The following TSC22D2 variants were observed in gnomAD, a reference collection of about 807,000 sequenced individuals.
The protein encoded by TSC22D2 is TSC22 domain family member 2.
TSC22D2 carries 5 observed loss-of-function variants against 50.1 expected under a neutral mutation model. The ratio of observed to expected loss-of-function variants is 0.10; its 90% CI spans 0.05 to 0.21. The LOEUF is 0.21. TSC22D2 is among the 10% of genes least tolerant of loss of function. The pLI is 1.00. For synonymous variants in TSC22D2, 501 were observed against 450.1 expected (o/e 1.11, Z -1.43); for missense variants, 1,003 against 1,015.5 (o/e 0.99, Z 0.17).
At chr3:150,448,976 A>T (rs1365486110) in intron 1 of TSC22D2, among the ~76,000 whole-genome samples, 1 of 151,924 alleles carries the variant, frequency 6.6e-6, no homozygotes, top group East Asian at 1.9e-4. Context: ...TTTACCACAA[A>T]TTTTTACCAT....
intron 1 of TSC22D2, among the ~76,000 whole-genome samples, chr3:150,439,004 A>G (rs1305534839): frequency 1.3e-5 from 2 of 152,090 alleles, no homozygotes; most frequent in African/African-American, 4.8e-5. Context: ...TTTGTTTTAC[A>G]CAGCTGTATT....
Position 150,409,489 on chromosome 3 carries a change from G to A in TSC22D2, c.139G>A (p.Glu47Lys). ...GTCACGCACAGAGGACGTCTCCTCC[G>A]AGATTTTCGACGTCTCTCGGGCCAC... ...DESRTEDVSS[E>K]IFDVSRATDY... Residue 47 changes from glutamate to lysine, a missense_variant, in exon 1 of 3, where the codon GAG becomes AAG. By Grantham distance (56) the Glu-to-Lys change is moderately conservative (BLOSUM62 1). This residue lies in a region of TSC22D2 where 200 missense variants were observed against 182.8 expected (regional missense o/e 1.09). Transcript: ENST00000688009. This position sits in a 1 kb window ranked among gnomAD's most constrained non-coding sequence, Gnocchi z 7.4. 1 of 1,613,190 alleles carries A rather than the reference G, an allele frequency of 6.2e-7. No homozygotes were observed. The highest frequency in any genetic ancestry group is 2.2e-5 in the East Asian group (1 of 44,832).
In TSC22D2 at chr3:150,459,945, A is replaced by G. The variant is rs1721339011; in HGVS notation, c.*1309A>G. On this transcript the variant is annotated 3_prime_UTR_variant, in exon 3 of 3. Coordinates refer to ENST00000688009, the MANE Select transcript of TSC22D2 (RefSeq NM_001303264.2). ...TTTTAATGTATTTAATAAATGCAAC[A>G]TGCAGATTAAGTGCAGTGTATACTG... The G allele has an allele frequency of 6.6e-6, 1 of 152,088 alleles. No individual in the cohort carries two copies. Among genetic ancestry groups the G allele is most frequent in the African/African-American group, 2.4e-5 (1 of 41,442 alleles). The allele number at this position is 152,088 out of a possible 1,614,324, so 9.4% of individuals were successfully genotyped here.
intron 1 of TSC22D2, among the ~76,000 whole-genome samples, chr3:150,431,099 C>T (rs1404938283): frequency 1.3e-5 from 2 of 151,660 alleles, no homozygotes; most frequent in South Asian, 2.1e-4. Context: ...GTGGCAGGCA[C>T]CTATAGTCCC....
intron 1 of TSC22D2, among the ~76,000 whole-genome samples, chr3:150,411,770 G>T (rs781527578): frequency 1.0e-3 from 157 of 152,090 alleles, no homozygotes; most frequent in Non-Finnish European, 3.5e-4. Context: ...TCTATGTAAG[G>T]AATCTTCTCC....
rs547244596 is a variant in TSC22D2 at position 150,426,290 on chromosome 3, A to G, written c.1958+14982A>G. Reference sequence around the variant, plus strand: ...TAATTTTTCCTGAGATCCTAAGCCTACTGGCATTTGAGAATAGTAACTTTA... The same window carrying G: ...TAATTTTTCCTGAGATCCTAAGCCTGCTGGCATTTGAGAATAGTAACTTTA... On this transcript the variant is annotated intron_variant, in intron 1 of 2. Transcript: ENST00000688009. Among the ~76,000 whole-genome samples the G allele has an allele frequency of 2.0e-3, 305 of 152,278 alleles. 1 individual carries two copies. In the Middle Eastern group the frequency reaches 0.031, roughly 15 times the overall value.
chr3:150,429,615 AG>A (rs1210800748), intron 1 of TSC22D2, among the ~76,000 whole-genome samples: 1 of 151,952 alleles, frequency 6.6e-6, no homozygotes, highest in African/African-American at 2.4e-5. Flanking sequence ...TGGGAAAGAA[AG>A]AAATTGTATG....
chr3:150,463,799 T>C lies in TSC22D2; in HGVS notation c.*5163T>C, dbSNP rs539969717. ...ATAAGACAGATTTTCAGATTGGTGA[T>C]GGCAAAGTAAGACGCTGGTATTTTG... On this transcript the variant is annotated 3_prime_UTR_variant, in exon 3 of 3. Coordinates refer to ENST00000688009, the MANE Select transcript of TSC22D2 (RefSeq NM_001303264.2). 8.5e-5 allele frequency: 13 copies of C among 152,172 alleles called. No homozygotes were observed. Among genetic ancestry groups the C allele is most frequent in the Non-Finnish European group, 1.8e-4 (12 of 68,038 alleles). 9.4% of individuals were successfully genotyped at this position (152,172 alleles called of 1,614,324 possible).
chr3:150,431,101 T>C (rs1720363772), intron 1 of TSC22D2, among the ~76,000 whole-genome samples: 2 of 151,656 alleles, frequency 1.3e-5, no homozygotes, highest in African/African-American at 4.8e-5. Context: ...GGCAGGCACC[T>C]ATAGTCCCAG....
At chr3:150,438,139 A>G (rs1201236607) in intron 1 of TSC22D2, 4 of 321,892 alleles carry the variant, frequency 1.2e-5, no homozygotes, top group Non-Finnish European at 2.7e-5. Flanking sequence ...AAATTTTGCT[A>G]TAAAAGATTT....
chr3:150,447,201 G>A (rs1720913502), intron 1 of TSC22D2, among the ~76,000 whole-genome samples: 1 of 152,146 alleles, frequency 6.6e-6, no homozygotes, highest in Non-Finnish European at 1.5e-5. Flanking sequence ...TTGAATGCTT[G>A]AGAAAGAGGA....
rs570768053 is a variant in TSC22D2, at chr3:150,436,177, T to G, written c.1959-20899T>G. Among the ~76,000 whole-genome samples, 7 of 152,310 alleles carry G rather than the reference T, an allele frequency of 4.6e-5. No individual in the cohort carries two copies. In the South Asian group the frequency reaches 1.2e-3, roughly 27 times the overall value. The stretch of plus-strand genomic sequence containing the variant: ...TATAACTTTTGTATCTTTTAAAACG[T>G]ATACAGCTCTAAAGTCCTGATTTAA... On this transcript the variant is annotated intron_variant, in intron 1 of 2. Transcript: ENST00000688009.
intron 1 of TSC22D2, among the ~76,000 whole-genome samples, chr3:150,446,009 G>A (rs537040841): frequency 7.3e-5 from 11 of 150,000 alleles, no homozygotes; most frequent in African/African-American, 1.2e-4. Context: ...CAGGAGAATC[G>A]CTTGAACCTG....
chr3:150,415,204 C>T (rs1255935815), intron 1 of TSC22D2, among the ~76,000 whole-genome samples: 3 of 152,064 alleles, frequency 2.0e-5, no homozygotes, highest in Non-Finnish European at 4.4e-5. Context: ...CCCGAAATTC[C>T]TAAACCATGA....
Position 150,458,459 on chromosome 3 carries a change from A to G in TSC22D2, c.2094A>G (p.Arg698=). The change falls in exon 3 of 3, where the codon AGA becomes AGG. Residue 698 remains arginine, a synonymous_variant. Transcript: ENST00000688009. The part of the protein sequence containing the change: ...LKEQIKELVE[R]NSLLERENAL... ...AACAAATAAAAGAATTAGTTGAAAG[A>G]AACTCTTTACTTGAACGAGAAAATG... The G allele has an allele frequency of 6.2e-7, 1 of 1,614,158 alleles. No individual in the cohort carries two copies. The highest frequency in any genetic ancestry group is 1.1e-5 in the South Asian group (1 of 91,084).
chr3:150,418,267 A>G (rs1357713329), intron 1 of TSC22D2, among the ~76,000 whole-genome samples: 1 of 151,944 alleles, frequency 6.6e-6, no homozygotes, highest in South Asian at 2.1e-4. Flanking sequence ...CATTTTCATC[A>G]TCATGAAAAT....
At chr3:150,456,948 C>A in intron 1 of TSC22D2, 128 bp from the exon 2 acceptor site, 2 of 768,228 alleles carry the variant, frequency 2.6e-6, no homozygotes, top group Admixed American at 2.7e-5. Context: ...ATTGTCAGAA[C>A]AGAATAAGCT....
At chr3:150,433,611 T>C (rs530303344) in intron 1 of TSC22D2, among the ~76,000 whole-genome samples, 1 of 152,348 alleles carries the variant, frequency 6.6e-6, no homozygotes, top group East Asian at 1.9e-4. Context: ...TAACCGTTGG[T>C]CTTCAGAAAA....
chr3:150,427,574 G>A (rs547067097), intron 1 of TSC22D2, among the ~76,000 whole-genome samples: 1 of 152,196 alleles, frequency 6.6e-6, no homozygotes, highest in African/African-American at 2.4e-5. Flanking sequence ...TAAGTATCTT[G>A]AGGATATGTA....
Sources: gnomAD v4.1 joint callset for allele counts (sites outside exome capture counted in the v4.1 genomes callset) on GRCh38, gnomAD v4.1.1 for gene constraint, gnomAD v4.1.1 regional missense constraint, Gnocchi (gnomAD v3.1) non-coding constraint, MANE v1.5 for transcripts, NCBI Gene and HGNC (gene_info 2026-07-23, HGNC 2026-07-21) for gene names.